Variants in CDH23 observed in about 807,000 individuals in gnomAD.
CDH23 encodes the protein cadherin-23.
Under a neutral mutation model 317.1 loss-of-function variants are expected in CDH23, and 189 were observed. The ratio of observed to expected loss-of-function variants is 0.60; its 90% CI spans 0.53 to 0.67. CDH23 has a LOEUF of 0.67. CDH23 is among the 30% of genes least tolerant of loss of function. CDH23 has a pLI of 0.00. For synonymous variants in CDH23, 1,839 were observed against 1,876.8 expected, an observed-to-expected ratio of 0.98 and a Z score of 0.52; for missense variants, 4,401 against 4,592.4, an observed-to-expected ratio of 0.96 and a Z score of 1.20.
chr10:71,493,899 C>A (rs1852807560), intron 3 of CDH23, among the ~76,000 whole-genome samples: 1 of 152,036 alleles, frequency 6.6e-6, no homozygotes, highest in African/African-American at 2.4e-5. Context: ...TCTTATATAC[C>A]TACCTGCCTT....
chr10:71,514,581 G>C (rs559539590), intron 6 of CDH23, among the ~76,000 whole-genome samples: 2 of 152,128 alleles, frequency 1.3e-5, no homozygotes, highest in Non-Finnish European at 2.9e-5. Context: ...CCAGCCCCCA[G>C]CTCAGGAGAA....
intron 17 of CDH23, among the ~76,000 whole-genome samples, chr10:71,680,829 C>CTTTTTTTTTTTTTTTTTTTTTTTTTTT (rs1312991062): frequency 4.3e-5 from 3 of 70,134 alleles, no homozygotes; most frequent in African/African-American, 6.0e-5. Context: ...TTTTCTTTTT[C>CTTTTTTTTTTTTTTTTTTTTTTTTTTT]TTTTTTTTTT....
chr10:71,451,247 T>C (rs1201395459), intron 3 of CDH23, among the ~76,000 whole-genome samples: 2 of 152,180 alleles, frequency 1.3e-5, no homozygotes, highest in Admixed American at 1.3e-4. Flanking sequence ...GGTCTCAGTG[T>C]TCTCCCTGAC....
At chr10:71,787,319 A>ACT (rs1554873754) in intron 44 of CDH23, among the ~76,000 whole-genome samples, 3 of 126,410 alleles carry the variant, frequency 2.4e-5, no homozygotes, top group Non-Finnish European at 5.0e-5. Flanking sequence ...CGCTTTTCAG[A>ACT]TTTTTTTTTT....
Position 71,791,501 on chromosome 10 carries a change from T to C in CDH23, c.6253+166T>C, listed in dbSNP as rs10823847. 0.31 allele frequency among the ~76,000 whole-genome samples: 47,647 copies of C among 151,984 alleles called. 7,755 individuals are homozygous for C. Among genetic ancestry groups the C allele is most frequent in the East Asian group, 0.53 (2,768 of 5,180 alleles). ...GAGGGAGTCAGGAGACCTGGGCCCC[T>C]GCTTCCCTCCTCTGAGCTTCTGTAT... On this transcript the variant is annotated intron_variant, in intron 47 of 69. Coordinates refer to ENST00000224721, the MANE Select transcript of CDH23 (RefSeq NM_022124.6).
In CDH23 at chr10:71,551,523, AC is replaced by A. The variant is rs1343712486; in HGVS notation, c.430-15217del. On this transcript the variant is annotated intron_variant, in intron 6 of 69. Transcript: ENST00000224721. ...TATCCACTTCAGTTACCCAGAAGAT[AC>A]CTTCTTGAGGTTCTGGTAGGGAAGA... 5.9e-5 allele frequency among the ~76,000 whole-genome samples: 9 copies of A among 152,290 alleles called. No homozygotes were observed. In the East Asian group the frequency reaches 1.5e-3, roughly 26 times the overall value.
At chr10:71,563,277 C>T (rs1857223402) in intron 6 of CDH23, among the ~76,000 whole-genome samples, 1 of 152,158 alleles carries the variant, frequency 6.6e-6, no homozygotes, top group South Asian at 2.1e-4. Context: ...CCCCAAGGTT[C>T]CTTCCAGCTC....
At chr10:71,684,301 G>A (rs1013259764) in intron 18 of CDH23, among the ~76,000 whole-genome samples, 2 of 151,988 alleles carry the variant, frequency 1.3e-5, no homozygotes, top group Non-Finnish European at 2.9e-5. Context: ...TCCTCTAATC[G>A]TAGCTGCACT....
intron 3 of CDH23, among the ~76,000 whole-genome samples, chr10:71,465,622 G>C (rs79096678): frequency 1.3e-5 from 2 of 152,204 alleles, no homozygotes; most frequent in Non-Finnish European, 2.9e-5. Context: ...CCTGCTGGCC[G>C]TGAATTTTTA....
chr10:71,446,246 CTG>C lies in CDH23; in HGVS notation c.68-68_68-67del, dbSNP rs1589319296. 5.7e-5 allele frequency: 82 copies of C among 1,430,122 alleles called. No homozygotes were observed. In the East Asian group the frequency reaches 1.8e-3, roughly 32 times the overall value. The allele number at this position is 1,430,122 out of a possible 1,614,324, so 88.6% of individuals were successfully genotyped here. ...CTCAGTGCCCACTGCAGCCCTCACC[CTG>C]TGTCACCTTATAGAGTGTGTAAAGC... On this transcript the variant is annotated intron_variant, in intron 2 of 69. Coordinates refer to ENST00000224721, the MANE Select transcript of CDH23 (RefSeq NM_022124.6).
In CDH23 at chr10:71,804,528, C is replaced by T. The variant is rs187569969; in HGVS notation, c.7872+1108C>T. 3.9e-5 allele frequency among the ~76,000 whole-genome samples: 6 copies of T among 152,338 alleles called. No homozygotes were observed. The East Asian group carries it at 1.2e-3, about 29-fold the overall frequency. Reference sequence around the variant, plus strand: ...AATGTCCATGCTAAGTCCATCATGTCACTCTGTCTCCTCTTTGAGGTCCTG... The same window carrying T: ...AATGTCCATGCTAAGTCCATCATGTTACTCTGTCTCCTCTTTGAGGTCCTG... On this transcript the variant is annotated intron_variant, in intron 55 of 69. Transcript: ENST00000224721.
chr10:71,403,406 T>C (rs1286888376), intron 1 of CDH23, among the ~76,000 whole-genome samples: 1 of 84,592 alleles, frequency 1.2e-5, no homozygotes, highest in African/African-American at 7.5e-5. Context: ...TTTCTTTCTT[T>C]CTCTTCCTTC....
intron 38 of CDH23, among the ~76,000 whole-genome samples, chr10:71,763,665 A>T (rs1046225280): frequency 3.9e-5 from 6 of 152,234 alleles, no homozygotes; most frequent in African/African-American, 1.2e-4. Context: ...TTTTCCCAGA[A>T]ATGAAAACAT....
chr10:71,674,017 G>A (rs116174285), intron 14 of CDH23, among the ~76,000 whole-genome samples: 2,443 of 152,286 alleles, frequency 0.016, 59 homozygotes, highest in African/African-American at 0.056. Context: ...GTCTATAGGA[G>A]CATAAGCTGT....
At chr10:71,796,603 A>C (rs1841410481) in intron 48 of CDH23, among the ~76,000 whole-genome samples, 1 of 152,228 alleles carries the variant, frequency 6.6e-6, no homozygotes, top group Non-Finnish European at 1.5e-5. Flanking sequence ...TGGTGATAAA[A>C]TACACATAAC....
chr10:71,716,330 G>A, intron 28 of CDH23: 1 of 1,479,286 alleles, frequency 6.8e-7, no homozygotes, highest in South Asian at 1.4e-5. Context: ...GGGGCCCTCT[G>A]TGCTCATGGC....
rs556882302 is a variant in CDH23, at chr10:71,566,787, C to T, written c.475C>T (p.Pro159Ser). Reference sequence around the variant, plus strand: ...CATCTTCATCGTGAATGCCACAGACCCCGACTTGGGGGCAGGGGGCAGCGT... The same window carrying T: ...CATCTTCATCGTGAATGCCACAGACTCCGACTTGGGGGCAGGGGGCAGCGT... ...TPIFIVNATD[P>S]DLGAGGSVLY... Residue 159 changes from proline (P) to serine (S), a missense_variant, in exon 7 of 70, where the codon CCC becomes TCC. By Grantham distance (74) the Pro-to-Ser change is moderately conservative. Coordinates refer to ENST00000224721, the MANE Select transcript of CDH23 (RefSeq NM_022124.6). 3.1e-6 allele frequency: 5 copies of T among 1,612,514 alleles called. No homozygotes were observed. Among genetic ancestry groups the T allele is most frequent in the African/African-American group, 1.3e-5 (1 of 75,010 alleles).
At chr10:71,666,230 G>A (rs1055790913) in intron 14 of CDH23, among the ~76,000 whole-genome samples, 32 of 151,304 alleles carry the variant, frequency 2.1e-4, no homozygotes, top group Non-Finnish European at 2.2e-4. Context: ...CTTGTTCTAC[G>A]GCCTCCCACA....
intron 61 of CDH23, 23 bp downstream of exon 61, chr10:71,810,099 G>GC: frequency 1.2e-6 from 2 of 1,608,406 alleles, no homozygotes; most frequent in Admixed American, 3.3e-5. Context: ...CCCACCCGGG[G>GC]CCGGGGCAGT....
Sources: allele counts gnomAD v4.1 joint callset (sites outside exome capture counted in the v4.1 genomes callset), GRCh38; gene constraint gnomAD v4.1.1; transcripts MANE v1.5; gene names NCBI Gene and HGNC (gene_info 2026-07-23, HGNC 2026-07-21).